Variants in IL15 observed in about 807,000 individuals in gnomAD.
IL15 encodes interleukin 15.
In IL15, 11 loss-of-function variants were observed where a neutral mutation model predicts 19.6. The ratio of observed to expected loss-of-function variants is 0.56; its 90% CI spans 0.35 to 0.93. The LOEUF is 0.93. IL15 is among the 40% of genes least tolerant of loss of function. The pLI, the probability that IL15 is intolerant of heterozygous loss-of-function variation, is 0.01. For missense variants in IL15, 197 were observed against 186.5 expected, an observed-to-expected ratio of 1.06 and a Z score of -0.33; for synonymous variants, 58 against 59.6, an observed-to-expected ratio of 0.97 and a Z score of 0.12.
intron 2 of IL15, among the ~76,000 whole-genome samples, chr4:141,709,835 T>A (rs1729654369): frequency 6.6e-6 from 1 of 152,056 alleles, no homozygotes; most frequent in South Asian, 2.1e-4. Flanking sequence ...GAATTGTGTG[T>A]TGCTGAGGTT....
chr4:141,686,297 A>AAAAT (rs56718878), intron 2 of IL15, among the ~76,000 whole-genome samples: 97,787 of 140,966 alleles, frequency 0.69, 34,059 homozygotes, highest in South Asian at 0.73. Context: ...GTTCATCTCA[A>AAAAT]AAATAAATAA....
At chr4:141,721,106 T>C (rs1241039531) in intron 4 of IL15, 2 of 1,514,080 alleles carry the variant, frequency 1.3e-6, no homozygotes, top group Non-Finnish European at 9.0e-7. Context: ...CCTATAGTTA[T>C]ATAATCTGAC....
Position 141,686,002 on chromosome 4 carries a change from A to G in IL15, c.-100+29695A>G, listed in dbSNP as rs539943093. ...AACCTAGCACATCCCCCTAATCAAA[A>G]AGGGGCACAGTAGGCTGGGCGCAGT... On this transcript the variant is annotated intron_variant, in intron 2 of 7. Transcript: ENST00000320650. 7.2e-5 allele frequency among the ~76,000 whole-genome samples: 11 copies of G among 152,290 alleles called. No individual in the cohort carries two copies. The South Asian group carries it at 1.9e-3, about 26-fold the overall frequency.
intron 2 of IL15, among the ~76,000 whole-genome samples, chr4:141,690,354 A>G (rs1728870215): frequency 6.6e-6 from 1 of 152,148 alleles, no homozygotes; most frequent in Non-Finnish European, 1.5e-5. Context: ...CCAAAGTGGG[A>G]GCCCAGGCAG....
At chr4:141,686,861 T>TC (rs1728729984) in intron 2 of IL15, among the ~76,000 whole-genome samples, 1 of 152,232 alleles carries the variant, frequency 6.6e-6, no homozygotes, top group African/African-American at 2.4e-5. Flanking sequence ...TATAATACTT[T>TC]ATTTTCTACA....
intron 5 of IL15, among the ~76,000 whole-genome samples, chr4:141,725,411 G>C (rs1439032933): frequency 6.6e-6 from 1 of 152,168 alleles, no homozygotes; most frequent in Non-Finnish European, 1.5e-5. Flanking sequence ...GATACACAGA[G>C]ATAGAAAACC....
rs144922301 is a variant in IL15, at chr4:141,687,254, G to A, written c.-100+30947G>A. On this transcript the variant is annotated intron_variant, in intron 2 of 7. Coordinates refer to ENST00000320650, the MANE Select transcript of IL15 (RefSeq NM_000585.5). ...GCAGGTCTTTCTGTGAGAGATGAGG[G>A]GAGGAAGTAGAAAGTAGCCAAGAGC... Among the ~76,000 whole-genome samples the A allele has an allele frequency of 4.0e-3, 606 of 152,268 alleles. 13 individuals are homozygous for A. Among genetic ancestry groups the A allele is most frequent in the Admixed American group, 0.036 (545 of 15,290 alleles).
At chr4:141,640,371 A>G (rs988765083) in intron 1 of IL15, among the ~76,000 whole-genome samples, 6 of 151,982 alleles carry the variant, frequency 3.9e-5, no homozygotes, top group African/African-American at 1.4e-4. Flanking sequence ...TAAGACAGAC[A>G]CTCCACTGAG....
intron 7 of IL15, 136 bp from the exon 8 acceptor site, chr4:141,732,602 A>C: frequency 8.9e-7 from 1 of 1,124,146 alleles, no homozygotes. Context: ...TCTTCCTAAT[A>C]TGCTATTTAT....
chr4:141,673,480 T>A (rs1374248293), intron 2 of IL15, among the ~76,000 whole-genome samples: 1 of 152,228 alleles, frequency 6.6e-6, no homozygotes, highest in East Asian at 1.9e-4. Flanking sequence ...GGTATCTTAC[T>A]CATCACTCTC....
intron 2 of IL15, among the ~76,000 whole-genome samples, chr4:141,670,128 A>T (rs949734689): frequency 6.6e-6 from 1 of 151,782 alleles, no homozygotes; most frequent in Non-Finnish European, 1.5e-5. Flanking sequence ...AAATTTTTCA[A>T]ATGTTGATTA....
intron 1 of IL15, among the ~76,000 whole-genome samples, chr4:141,645,664 C>A (rs1182164885): frequency 6.6e-6 from 1 of 151,954 alleles, no homozygotes; most frequent in Non-Finnish European, 1.5e-5. Context: ...AAAATAAGAA[C>A]CATTTTATTT....
chr4:141,678,024 A>AT (rs1445297459), intron 2 of IL15, among the ~76,000 whole-genome samples: 1 of 152,144 alleles, frequency 6.6e-6, no homozygotes, highest in Non-Finnish European at 1.5e-5. Flanking sequence ...AGAGGGCCTA[A>AT]TTTTATCTGT....
In IL15 at chr4:141,681,524, G is replaced by A. The variant is rs143087599; in HGVS notation, c.-100+25217G>A. 3.6e-3 allele frequency among the ~76,000 whole-genome samples: 542 copies of A among 152,262 alleles called. 4 individuals carry two copies. Among genetic ancestry groups the A allele is most frequent in the Non-Finnish European group, 5.5e-3 (376 of 68,016 alleles). On this transcript the variant is annotated intron_variant, in intron 2 of 7. Transcript: ENST00000320650. Reference sequence around the variant, plus strand: ...GATAGCACAGGTTCTAGAATGCCATGAGTGGGAAAACAATTTCTTTCATCT... The same window carrying A: ...GATAGCACAGGTTCTAGAATGCCATAAGTGGGAAAACAATTTCTTTCATCT...
chr4:141,666,081 A>ATTATTTATTTCT (rs1727964564), intron 2 of IL15, among the ~76,000 whole-genome samples: 1 of 143,358 alleles, frequency 7.0e-6, no homozygotes. Context: ...CTTTTTATTT[A>ATTATTTATTTCT]TTATTTATTT....
intron 5 of IL15, among the ~76,000 whole-genome samples, chr4:141,727,337 G>C (rs540451760): frequency 6.6e-6 from 1 of 150,964 alleles, no homozygotes; most frequent in African/African-American, 2.5e-5. Context: ...AAACCTAAAT[G>C]GCTCATAAAA....
intron 2 of IL15, among the ~76,000 whole-genome samples, chr4:141,693,418 C>T (rs1728990306): frequency 6.6e-6 from 1 of 152,176 alleles, no homozygotes; most frequent in South Asian, 2.1e-4. Flanking sequence ...AGGACAGGAA[C>T]CATGCTCATT....
intron 2 of IL15, among the ~76,000 whole-genome samples, chr4:141,672,314 C>A (rs1412157692): frequency 1.3e-5 from 2 of 152,038 alleles, no homozygotes; most frequent in Admixed American, 1.3e-4. Flanking sequence ...ACTTTTATTC[C>A]TTTATAACAA....
intron 2 of IL15, among the ~76,000 whole-genome samples, chr4:141,709,128 T>C (rs1052038461): frequency 6.6e-6 from 1 of 151,426 alleles, no homozygotes; most frequent in Non-Finnish European, 1.5e-5. Flanking sequence ...CAGAATTCAA[T>C]ATTCAATTTA....
Sources: gnomAD v4.1 joint callset for allele counts (sites outside exome capture counted in the v4.1 genomes callset) on GRCh38, gnomAD v4.1.1 for gene constraint, MANE v1.5 for transcripts, NCBI Gene and HGNC (gene_info 2026-07-23, HGNC 2026-07-21) for gene names.